The following CRTC3 variants were observed in gnomAD, a reference collection of about 807,000 sequenced individuals.
CRTC3 encodes CREB regulated transcription coactivator 3, also known as CREB-regulated transcription coactivator 3.
Under a neutral mutation model 74.5 loss-of-function variants are expected in CRTC3, and 26 were observed. The observed-to-expected ratio is 0.35, with a 90% CI of 0.26 to 0.48. CRTC3 has a LOEUF of 0.48. Ranked by LOEUF, CRTC3 falls within the 20% of genes least tolerant of loss-of-function variation. The pLI is 0.99. For missense variants in CRTC3, 760 were observed against 787.3 expected, an observed-to-expected ratio of 0.97 and a Z score of 0.41; for synonymous variants, 377 against 325.8, an observed-to-expected ratio of 1.16 and a Z score of -1.69.
intron 14 of CRTC3, among the ~76,000 whole-genome samples, chr15:90,641,685 CA>C (rs11294553): frequency 0.24 from 32,459 of 132,602 alleles, 3,804 homozygotes; most frequent in African/African-American, 0.35. Flanking sequence ...CAACAGTCTC[CA>C]AAAAAAAAAA....
chr15:90,595,888 G>A (rs1233464107), intron 3 of CRTC3: 1 of 152,196 alleles, frequency 6.6e-6, no homozygotes, highest in Admixed American at 6.5e-5. Context: ...CATGGTCCCT[G>A]ACCTCAAGTT....
chr15:90,558,658 CTCTAAAA>C (rs920711208), intron 2 of CRTC3, among the ~76,000 whole-genome samples: 13 of 152,044 alleles, frequency 8.6e-5, no homozygotes, highest in African/African-American at 3.1e-4. Flanking sequence ...GGCCTTGCCT[CTCTAAAA>C]TCTAAATTCC....
intron 2 of CRTC3, among the ~76,000 whole-genome samples, chr15:90,554,760 G>A (rs538370154): frequency 6.6e-6 from 1 of 152,350 alleles, no homozygotes; most frequent in African/African-American, 2.4e-5. Context: ...GCCTGGTGCA[G>A]TAAATGCTTA....
intron 2 of CRTC3, among the ~76,000 whole-genome samples, chr15:90,591,120 A>AT (rs11380695): frequency 0.76 from 110,941 of 145,470 alleles, 42,509 homozygotes; most frequent in African/African-American, 0.89. Context: ...ACGCCCCACT[A>AT]TTTTTTTTTT....
intron 2 of CRTC3, among the ~76,000 whole-genome samples, chr15:90,563,392 TGA>T (rs1967055306): frequency 6.6e-6 from 1 of 151,492 alleles, no homozygotes; most frequent in African/African-American, 2.4e-5. Flanking sequence ...GGCAACAGAG[TGA>T]GACTCTGTAT....
intron 2 of CRTC3, among the ~76,000 whole-genome samples, chr15:90,587,291 T>C (rs1337475176): frequency 2.0e-5 from 3 of 152,220 alleles, no homozygotes; most frequent in Admixed American, 1.3e-4. Context: ...AGTATGGTAC[T>C]GTCTGCCGTT....
chr15:90,537,415 G>A (rs1047724852), intron 1 of CRTC3, among the ~76,000 whole-genome samples: 10 of 152,126 alleles, frequency 6.6e-5, no homozygotes, highest in Non-Finnish European at 1.2e-4. Context: ...TTAGAGTCTC[G>A]CTCTGTCGCC....
At chr15:90,542,941 G>A (rs912334501) in intron 2 of CRTC3, among the ~76,000 whole-genome samples, 2 of 152,122 alleles carry the variant, frequency 1.3e-5, no homozygotes, top group South Asian at 2.1e-4. Context: ...GGCTGTTATG[G>A]TATCACATTA....
At chr15:90,579,975 C>T (rs1325784611) in intron 2 of CRTC3, among the ~76,000 whole-genome samples, 1 of 152,110 alleles carries the variant, frequency 6.6e-6, no homozygotes, top group Non-Finnish European at 1.5e-5. Context: ...TTTTATATTA[C>T]ATGCTGATTG....
intron 2 of CRTC3, among the ~76,000 whole-genome samples, chr15:90,541,802 T>TC (rs1966807341): frequency 1.3e-5 from 2 of 149,848 alleles, no homozygotes; most frequent in African/African-American, 2.5e-5. Context: ...TTTTTTTTTT[T>TC]TGAGATGGAG....
intron 11 of CRTC3, among the ~76,000 whole-genome samples, chr15:90,635,898 A>C (rs2151096492): frequency 6.6e-6 from 1 of 152,238 alleles, no homozygotes; most frequent in African/African-American, 2.4e-5. Context: ...TGCTCAATGA[A>C]ATAAAAGAGG....
intron 11 of CRTC3, 60 bp downstream of exon 11, chr15:90,629,592 G>A (rs1317305360): frequency 6.5e-7 from 1 of 1,540,134 alleles, no homozygotes; most frequent in Non-Finnish European, 8.9e-7. Context: ...TATAGGAAGT[G>A]CATTCCTCCT....
At position 90,644,724 on chromosome 15, in the gene CRTC3, C is replaced by A; in HGVS notation, c.*2584C>A. On this transcript the variant is annotated 3_prime_UTR_variant, in exon 15 of 15. Transcript: ENST00000268184. ...GAGGACTCACCACGGGCAGGGTCGCCCTGGCCCACAGCACGTGAGCCTGCA... is the reference window on the plus strand; with the variant it reads ...GAGGACTCACCACGGGCAGGGTCGCACTGGCCCACAGCACGTGAGCCTGCA... 4.3e-6 allele frequency: 1 copy of A among 232,720 alleles called. No individual in the cohort carries two copies. The allele number at this position is 232,720 out of a possible 1,614,324, so 14.4% of individuals were successfully genotyped here.
Position 90,622,157 on chromosome 15 carries a change from T to TA in CRTC3, c.749+2368dup, listed in dbSNP as rs1292620297. Among the ~76,000 whole-genome samples, 5 of 152,220 alleles carry TA rather than the reference T, an allele frequency of 3.3e-5. No individual in the cohort carries two copies. The East Asian group carries it at 9.7e-4, about 29-fold the overall frequency. ...TGGGCCTGGAGTTCAAGGAGGCTTG[T>TA]ATTGCTTGGATCTGACGCAGAGAAG... is the stretch of plus-strand genomic sequence containing the variant. On this transcript the variant is annotated intron_variant, in intron 9 of 14. Coordinates refer to ENST00000268184, the MANE Select transcript of CRTC3 (RefSeq NM_022769.5).
chr15:90,640,856 G>A (rs909375361), intron 13 of CRTC3, among the ~76,000 whole-genome samples: 1 of 152,054 alleles, frequency 6.6e-6, no homozygotes, highest in African/African-American at 2.4e-5. Context: ...TGGTGTAGTG[G>A]GCTGGGGAAA....
At chr15:90,599,596 A>G (rs1359158207) in intron 3 of CRTC3, 2 of 152,184 alleles carry the variant, frequency 1.3e-5, no homozygotes, top group East Asian at 1.9e-4. Context: ...ACTAAATTAG[A>G]TGAGAGTGAA....
At chr15:90,550,881 A>G (rs1250868845) in intron 2 of CRTC3, among the ~76,000 whole-genome samples, 4 of 152,064 alleles carry the variant, frequency 2.6e-5, no homozygotes, top group Non-Finnish European at 5.9e-5. Flanking sequence ...CCTGTTGCCC[A>G]GGGAGCACTC....
At position 90,536,369 on chromosome 15, in the gene CRTC3, TA is replaced by T. The variant is rs1161017517; in HGVS notation, c.133-3658del. Among the ~76,000 whole-genome samples the T allele has an allele frequency of 6.4e-4, 87 of 135,958 alleles. 1 individual carries two copies. Among genetic ancestry groups the T allele is most frequent in the Admixed American group, 6.1e-4 (8 of 13,118 alleles). 89.2% of individuals were successfully genotyped at this position (135,958 alleles called of 152,430 possible). ...TAGGTAACATGGTGAAATCCGTCTC[TA>T]AAAAAAAAAAACGAAAATTAGCTGG... On this transcript the variant is annotated intron_variant, in intron 1 of 14. Coordinates refer to ENST00000268184, the MANE Select transcript of CRTC3 (RefSeq NM_022769.5).
chr15:90,606,777 C>T (rs1334131856), intron 5 of CRTC3: 1 of 152,194 alleles, frequency 6.6e-6, no homozygotes, highest in Non-Finnish European at 1.5e-5. Flanking sequence ...CAATGTTCAC[C>T]TTTTACAAAT....
Sources: gnomAD v4.1 joint callset for allele counts (sites outside exome capture counted in the v4.1 genomes callset) on GRCh38, gnomAD v4.1.1 for gene constraint, MANE v1.5 for transcripts, NCBI Gene and HGNC (gene_info 2026-07-23, HGNC 2026-07-21) for gene names.